Variants in MECOM observed in about 807,000 individuals in gnomAD.
MECOM encodes the protein histone-lysine N-methyltransferase MECOM.
In MECOM, 13 loss-of-function variants were observed where a neutral mutation model predicts 116.3. That is an observed-to-expected ratio of 0.11 (90% confidence interval 0.07 to 0.18). The LOEUF is 0.18. Among genes scored for constraint, MECOM ranks in the 10% least tolerant of loss-of-function variants. The pLI, the probability that MECOM is intolerant of heterozygous loss-of-function variation, is 1.00. For missense variants in MECOM, 1,299 were observed against 1,509.0 expected, an observed-to-expected ratio of 0.86 and a Z score of 2.31; for synonymous variants, 528 against 535.2, an observed-to-expected ratio of 0.99 and a Z score of 0.19.
At chr3:169,417,901 G>C (rs547386718) in intron 1 of MECOM, among the ~76,000 whole-genome samples, 1 of 150,868 alleles carries the variant, frequency 6.6e-6, no homozygotes, top group Admixed American at 6.7e-5. Context: ...GGTGGGAATC[G>C]AACAATGAGA....
chr3:169,322,181 G>A (rs553603110), intron 2 of MECOM, among the ~76,000 whole-genome samples: 2 of 152,260 alleles, frequency 1.3e-5, no homozygotes, highest in Non-Finnish European at 2.9e-5. Flanking sequence ...TCTCGTGTGT[G>A]TTTCCTCTTA....
intron 7 of MECOM, among the ~76,000 whole-genome samples, chr3:169,119,697 A>G (rs983276974): frequency 2.6e-5 from 4 of 152,138 alleles, no homozygotes; most frequent in African/African-American, 9.7e-5. Context: ...TTAATATCGT[A>G]TGCCTGTAGT....
chr3:169,487,836 A>G (rs1052838339), intron 1 of MECOM, among the ~76,000 whole-genome samples: 2 of 152,116 alleles, frequency 1.3e-5, no homozygotes, highest in African/African-American at 4.8e-5. Context: ...TAAGTGGATG[A>G]AAAAAATACA....
chr3:169,505,856 A>C (rs746735949), intron 1 of MECOM, among the ~76,000 whole-genome samples: 5 of 152,188 alleles, frequency 3.3e-5, no homozygotes, highest in Non-Finnish European at 7.3e-5. Flanking sequence ...TGTCTTTATC[A>C]TAAAGGTGGA....
chr3:169,307,070 A>C (rs1426577762), intron 2 of MECOM, among the ~76,000 whole-genome samples: 1 of 152,184 alleles, frequency 6.6e-6, no homozygotes, highest in Admixed American at 6.5e-5. Context: ...TATCCATTCC[A>C]AACTGGTTTC....
chr3:169,210,653 C>T (rs1182230032), intron 2 of MECOM, among the ~76,000 whole-genome samples: 1 of 152,120 alleles, frequency 6.6e-6, no homozygotes, highest in Non-Finnish European at 1.5e-5. Flanking sequence ...AATTCATTCA[C>T]ATTAAGTAGG....
intron 2 of MECOM, among the ~76,000 whole-genome samples, chr3:169,231,714 T>C (rs1315761535): frequency 6.6e-6 from 1 of 150,696 alleles, no homozygotes; most frequent in African/African-American, 2.5e-5. Flanking sequence ...GATGAAGTCA[T>C]GAAGTGAGTG....
At chr3:169,277,129 G>A (rs1759689852) in intron 2 of MECOM, among the ~76,000 whole-genome samples, 1 of 151,860 alleles carries the variant, frequency 6.6e-6, no homozygotes, top group African/African-American at 2.4e-5. Flanking sequence ...ACTACATCAG[G>A]CAGCATTATA....
intron 1 of MECOM, among the ~76,000 whole-genome samples, chr3:169,609,997 T>C (rs1263850029): frequency 6.6e-6 from 1 of 152,186 alleles, no homozygotes; most frequent in Non-Finnish European, 1.5e-5. Flanking sequence ...CCAAAGGATA[T>C]CCCAATTTCC....
At position 169,381,435 on chromosome 3, in the gene MECOM, T is replaced by A. The variant is rs893762079; in HGVS notation, c.127A>T (p.Ile43Phe). 1 of 1,613,708 alleles carries A rather than the reference T, an allele frequency of 6.2e-7. No homozygotes were observed. The highest frequency in any genetic ancestry group is 1.3e-5 in the African/African-American group (1 of 74,950). Residue 43 changes from isoleucine to phenylalanine, a missense_variant, in exon 2 of 17, where the codon ATT becomes TTT. By Grantham distance (21) the Ile-to-Phe change is conservative. Transcript: ENST00000651503. ...DGVASTPSLN[I>F]QEPCSPATSS... Reference sequence around the variant, plus strand: ...GTGGCAGGAGAGCATGGCTCTTGAATATTGAGGGAGGGAGTGCTGGCTACT... The same window carrying A: ...GTGGCAGGAGAGCATGGCTCTTGAAAATTGAGGGAGGGAGTGCTGGCTACT...
chr3:169,367,332 A>G (rs1729351122), intron 2 of MECOM, among the ~76,000 whole-genome samples: 1 of 141,954 alleles, frequency 7.0e-6, no homozygotes. Context: ...TCTAGAAAAG[A>G]TGTGATTTGG....
chr3:169,111,224 T>C (rs898742305), intron 9 of MECOM, among the ~76,000 whole-genome samples: 40 of 152,100 alleles, frequency 2.6e-4, no homozygotes, highest in African/African-American at 9.4e-4. Flanking sequence ...CCCTTTTTGG[T>C]TTTTCTCCAT....
intron 1 of MECOM, among the ~76,000 whole-genome samples, chr3:169,420,042 A>G (rs1739436588): frequency 6.6e-6 from 1 of 152,228 alleles, no homozygotes; most frequent in South Asian, 2.1e-4. Context: ...AGAAATGCAA[A>G]TCAAAACCAT....
At chr3:169,562,674 T>G (rs1410612289) in intron 1 of MECOM, among the ~76,000 whole-genome samples, 1 of 151,824 alleles carries the variant, frequency 6.6e-6, no homozygotes, top group Non-Finnish European at 1.5e-5. Flanking sequence ...AACCCCAAAC[T>G]CTCCAGAAAG....
intron 1 of MECOM, among the ~76,000 whole-genome samples, chr3:169,621,049 G>C (rs760560057): frequency 6.6e-6 from 1 of 152,184 alleles, no homozygotes; most frequent in Non-Finnish European, 1.5e-5. Context: ...TGTGAGGCCA[G>C]CTGCTCTCCA....
chr3:169,390,287 C>T (rs1295604522), intron 1 of MECOM, among the ~76,000 whole-genome samples: 3 of 152,194 alleles, frequency 2.0e-5, no homozygotes, highest in African/African-American at 7.2e-5. Flanking sequence ...GAAAGACACT[C>T]TGAGAATTGG....
chr3:169,173,718 T>G (rs1744768962), intron 2 of MECOM, among the ~76,000 whole-genome samples: 1 of 152,214 alleles, frequency 6.6e-6, no homozygotes, highest in Non-Finnish European at 1.5e-5. Flanking sequence ...CGATCCATTC[T>G]GCCAAATATA....
chr3:169,570,041 C>G (rs1432524996), intron 1 of MECOM, among the ~76,000 whole-genome samples: 1 of 151,998 alleles, frequency 6.6e-6, no homozygotes. Context: ...ATCAATGAAT[C>G]CAGGAGTTGG....
chr3:169,620,698 C>T (rs1008708159), intron 1 of MECOM, among the ~76,000 whole-genome samples: 1 of 152,204 alleles, frequency 6.6e-6, no homozygotes, highest in Non-Finnish European at 1.5e-5. Context: ...TTGTTACCTT[C>T]GTCAAGGTGC....
Sources: gnomAD v4.1 joint callset for allele counts (sites outside exome capture counted in the v4.1 genomes callset) on GRCh38, gnomAD v4.1.1 for gene constraint, MANE v1.5 for transcripts, NCBI Gene and HGNC (gene_info 2026-07-23, HGNC 2026-07-21) for gene names.